Variants in KIF15 observed in about 807,000 individuals in gnomAD.
KIF15 encodes the protein kinesin family member 15.
A neutral mutation model predicts 190.6 loss-of-function variants in KIF15; 140 were observed. The ratio of observed to expected loss-of-function variants is 0.73; its 90% CI spans 0.64 to 0.84. The LOEUF (loss-of-function observed/expected upper bound fraction) is 0.84. KIF15 is among the 40% of genes least tolerant of loss of function. KIF15 has a pLI of 0.00. For missense variants in KIF15, 1,372 were observed against 1,584.4 expected (o/e 0.87, Z 2.28); for synonymous variants, 528 against 551.3 (o/e 0.96, Z 0.59).
At chr3:44,862,024 C>T (rs1699259014) in intron 6 of KIF15, 2 of 1,378,602 alleles carry the variant, frequency 1.5e-6, no homozygotes, top group Non-Finnish European at 1.9e-6. Flanking sequence ...GGGTGCGATG[C>T]GGCGCCGCTT....
chr3:44,816,036 CT>C (rs148281151), intron 20 of KIF15, among the ~76,000 whole-genome samples: 10,615 of 147,856 alleles, frequency 0.072, 517 homozygotes, highest in Non-Finnish European at 0.11. Context: ...ATACATTTTT[CT>C]TTTTTTTTTA....
intron 4 of KIF15, among the ~76,000 whole-genome samples, chr3:44,779,949 A>C (rs928125413): frequency 6.6e-6 from 1 of 151,992 alleles, no homozygotes; most frequent in African/African-American, 2.4e-5. Flanking sequence ...AAACTATAGC[A>C]TACTGTTTTC....
intron 20 of KIF15, among the ~76,000 whole-genome samples, chr3:44,820,448 T>G (rs1302574907): frequency 6.6e-6 from 1 of 152,112 alleles, no homozygotes; most frequent in Admixed American, 6.5e-5. Context: ...GGTCAGCAGA[T>G]AAACAAGTGA....
intron 4 of KIF15, 89 bp from the exon 5 acceptor site, chr3:44,780,796 G>T (rs1365104311): frequency 2.5e-5 from 20 of 799,918 alleles, no homozygotes; most frequent in Non-Finnish European, 3.6e-5. Context: ...CTAACTTTTT[G>T]TGGAGAAAAC....
intron 26 of KIF15, among the ~76,000 whole-genome samples, chr3:44,833,982 A>G (rs1698191677): frequency 6.6e-6 from 1 of 152,248 alleles, no homozygotes; most frequent in Non-Finnish European, 1.5e-5. Flanking sequence ...GAGTAGGTAA[A>G]TAATGAAAAC....
intron 18 of KIF15, 121 bp from the exon 19 acceptor site, chr3:44,812,954 C>T: frequency 1.8e-6 from 1 of 570,354 alleles, no homozygotes; most frequent in Non-Finnish European, 2.9e-6. Context: ...CACTGCACTC[C>T]AGCCTGGGTG....
At chr3:44,768,134 C>T (rs765270127) in intron 1 of KIF15, among the ~76,000 whole-genome samples, 2 of 151,244 alleles carry the variant, frequency 1.3e-5, no homozygotes, top group Non-Finnish European at 2.9e-5. Context: ...ATTAGCCAGG[C>T]GTGGTGGTGC....
At chr3:44,779,600 C>T (rs1257982684) in intron 4 of KIF15, among the ~76,000 whole-genome samples, 4 of 151,888 alleles carry the variant, frequency 2.6e-5, no homozygotes, top group East Asian at 1.9e-4. Flanking sequence ...TTTGGGGGGC[C>T]GAGGTGCGTG....
Position 44,815,023 on chromosome 3 carries a change from C to T in KIF15, c.2496C>T (p.Phe832=), listed in dbSNP as rs768907052. The change falls in exon 20 of 35, where the codon TTC becomes TTT. Residue 832 remains phenylalanine, a synonymous_variant. Coordinates refer to ENST00000326047, the MANE Select transcript of KIF15 (RefSeq NM_020242.3). ...TCAAAACGAATCAGGAGAAAGAATT[C>T]AACAAACTTTCCGAAAGACACATGC... ...SSFKTNQEKE[F]NKLSERHMHV... 2 of 1,611,800 alleles carry T rather than the reference C, an allele frequency of 1.2e-6. No homozygotes were observed. Among genetic ancestry groups the T allele is most frequent in the Non-Finnish European group, 8.5e-7 (1 of 1,179,274 alleles).
chr3:44,836,270 C>T (rs1481439726), intron 26 of KIF15, among the ~76,000 whole-genome samples: 5 of 152,010 alleles, frequency 3.3e-5, no homozygotes, highest in African/African-American at 9.7e-5. Context: ...GCATGAGAAT[C>T]GCTTGAACCT....
At chr3:44,847,039 A>G (rs1258938018) in intron 30 of KIF15, among the ~76,000 whole-genome samples, 1 of 152,206 alleles carries the variant, frequency 6.6e-6, no homozygotes, top group African/African-American at 2.4e-5. Flanking sequence ...CAAAGCCTGA[A>G]ATATTTACTG....
rs1322709879 is a variant in KIF15 at position 44,774,258 on chromosome 3, G to T, written c.20-137G>T. The stretch of plus-strand genomic sequence containing the variant: ...AGAATGAGAATAGGATCAAGGCCTG[G>T]GCTGTGGAGCACAGCATTGTTAAAG... On this transcript the variant is annotated intron_variant, in intron 1 of 34. Transcript: ENST00000326047. 2.2e-5 allele frequency: 15 copies of T among 684,866 alleles called. No homozygotes were observed. In the East Asian group the frequency reaches 4.1e-4, roughly 19 times the overall value. 42.4% of individuals were successfully genotyped at this position (684,866 alleles called of 1,614,324 possible).
chr3:44,786,627 T>G, intron 7 of KIF15, 53 bp downstream of exon 7: 5 of 1,453,924 alleles, frequency 3.4e-6, no homozygotes, highest in Non-Finnish European at 1.9e-6. Context: ...CTGCTGTGAA[T>G]GCACCCCAAA....
chr3:44,808,646 A>G (rs1374687301), intron 16 of KIF15, among the ~76,000 whole-genome samples: 1 of 150,382 alleles, frequency 6.6e-6, no homozygotes, highest in Non-Finnish European at 1.5e-5. Flanking sequence ...TTATTCCACA[A>G]TATGCTTTTG....
rs146019511 is a variant in KIF15 at position 44,800,871 on chromosome 3, A to AAATCTAC, written c.1222+435_1222+441dup. On this transcript the variant is annotated intron_variant, in intron 11 of 34. Coordinates refer to ENST00000326047, the MANE Select transcript of KIF15 (RefSeq NM_020242.3). ...CCTGGGACTCCTCTAATTTTTTAAAAAATCTACTTCTACTTCTGTTACACC... is the reference window on the plus strand; with the variant it reads ...CCTGGGACTCCTCTAATTTTTTAAAAAATCTACAATCTACTTCTACTTCTGTTACACC... Among the ~76,000 whole-genome samples, 1,151 of 152,308 alleles carry AAATCTAC rather than the reference A, an allele frequency of 7.6e-3. 13 individuals are homozygous for AAATCTAC. Among genetic ancestry groups the AAATCTAC allele is most frequent in the African/African-American group, 0.026 (1,100 of 41,580 alleles).
rs1707213053 is a variant in KIF15, at chr3:44,800,449, A to C, written c.1222+12A>C. 2 of 1,612,438 alleles carry C rather than the reference A, an allele frequency of 1.2e-6. No homozygotes were observed. Among genetic ancestry groups the C allele is most frequent in the African/African-American group, 1.3e-5 (1 of 74,772 alleles). ...CTTCCTGACCAGAGGTAGGATGAGCACACAGTCCTTTATCTTGGGGAAGAC... is the reference window on the plus strand; with the variant it reads ...CTTCCTGACCAGAGGTAGGATGAGCCCACAGTCCTTTATCTTGGGGAAGAC... On this transcript the variant is annotated intron_variant, in intron 11 of 34. Coordinates refer to ENST00000326047, the MANE Select transcript of KIF15 (RefSeq NM_020242.3).
chr3:44,838,304 T>C lies in KIF15; in HGVS notation c.3201T>C (p.His1067=). The C allele has an allele frequency of 1.2e-6, 2 of 1,613,668 alleles. No homozygotes were observed. The highest frequency in any genetic ancestry group is 1.7e-6 in the Non-Finnish European group (2 of 1,179,850). ...ERDMLCEDLA[H]ATEQLNMLTE... ...ATATGCTCTGTGAGGACCTGGCTCATGCCACTGAGCAGCTGAACATGCTCA... is the reference window on the plus strand; with the variant it reads ...ATATGCTCTGTGAGGACCTGGCTCACGCCACTGAGCAGCTGAACATGCTCA... The change falls in exon 27 of 35, where the codon CAT becomes CAC. Residue 1067 remains histidine, a synonymous_variant. Coordinates refer to ENST00000326047, the MANE Select transcript of KIF15 (RefSeq NM_020242.3).
intron 1 of KIF15, among the ~76,000 whole-genome samples, chr3:44,772,077 T>C (rs1474953089): frequency 1.3e-5 from 2 of 152,224 alleles, no homozygotes; most frequent in African/African-American, 4.8e-5. Flanking sequence ...TTTAGGCCAA[T>C]TAATTAGAAC....
rs1188487873 is a variant in KIF15 at position 44,821,019 on chromosome 3, G to A, written c.2550-5020G>A. Among the ~76,000 whole-genome samples, 7 of 4,206 alleles carry A rather than the reference G, an allele frequency of 1.7e-3. No individual in the cohort carries two copies. In the South Asian group the frequency reaches 0.044, roughly 27 times the overall value. 2.8% of individuals were successfully genotyped at this position (4,206 alleles called of 152,430 possible). On this transcript the variant is annotated intron_variant, in intron 20 of 34. Transcript: ENST00000326047. ...TCCCTCCCGGACGGGGCGGCTGGCCGGGCGGGGGGGCTGACCCCCCCACCT... is the reference window on the plus strand; with the variant it reads ...TCCCTCCCGGACGGGGCGGCTGGCCAGGCGGGGGGGCTGACCCCCCCACCT...
Sources: allele counts gnomAD v4.1 joint callset (sites outside exome capture counted in the v4.1 genomes callset), GRCh38; gene constraint gnomAD v4.1.1; transcripts MANE v1.5; gene names NCBI Gene and HGNC (gene_info 2026-07-23, HGNC 2026-07-21).